Variants in PSEN1 observed in about 807,000 individuals in gnomAD.
The protein encoded by PSEN1 is presenilin-1.
A neutral mutation model predicts 53.5 loss-of-function variants in PSEN1; 15 were observed. That is an observed-to-expected ratio of 0.28 (90% CI 0.19 to 0.43). The LOEUF (loss-of-function observed/expected upper bound fraction) is 0.43, where lower values mean the gene tolerates loss of function less well. Ranked by LOEUF, PSEN1 falls within the 20% of genes least tolerant of loss-of-function variation. The pLI, the probability that PSEN1 is intolerant of heterozygous loss-of-function variation, is 1.00. For missense variants in PSEN1, 387 were observed against 571.2 expected, an observed-to-expected ratio of 0.68 and a Z score of 3.29; for synonymous variants, 208 against 209.8, an observed-to-expected ratio of 0.99 and a Z score of 0.08.
intron 10 of PSEN1, among the ~76,000 whole-genome samples, chr14:73,213,617 T>C (rs1361662829): frequency 2.6e-5 from 4 of 152,244 alleles, no homozygotes; most frequent in African/African-American, 9.6e-5. Flanking sequence ...ATAGGTCAGT[T>C]GCTAAAAGGC....
At chr14:73,212,562 G>A (rs1899748261) in intron 10 of PSEN1, among the ~76,000 whole-genome samples, 1 of 152,224 alleles carries the variant, frequency 6.6e-6, no homozygotes, top group African/African-American at 2.4e-5. Context: ...TCACTCTGCT[G>A]TAGAGAGATC....
chr14:73,221,333 T>C lies in PSEN1; in HGVS notation c.*2044T>C, dbSNP rs914441953. ...CACAGCTACAGCAAAGCCACCTGAA[T>C]AGCAATTTGTGATTGGAAGCATTCT... On this transcript the variant is annotated 3_prime_UTR_variant, in exon 12 of 12. Coordinates refer to ENST00000324501, the MANE Select transcript of PSEN1 (RefSeq NM_000021.4). The C allele has an allele frequency of 1.4e-4, 21 of 152,350 alleles. No homozygotes were observed. Among genetic ancestry groups the C allele is most frequent in the African/African-American group, 5.0e-4 (21 of 41,594 alleles). 9.4% of individuals were successfully genotyped at this position (152,350 alleles called of 1,614,324 possible). A position where few individuals can be genotyped will look rare whatever the true frequency, so the allele number is the denominator to read the frequency against.
At chr14:73,188,453 A>C (rs1219386739) in intron 6 of PSEN1, among the ~76,000 whole-genome samples, 1 of 152,156 alleles carries the variant, frequency 6.6e-6, no homozygotes, top group Non-Finnish European at 1.5e-5. Context: ...TGAAAGTTGG[A>C]TACCAACCTG....
intron 5 of PSEN1, among the ~76,000 whole-genome samples, chr14:73,177,039 C>G (rs903107087): frequency 6.6e-6 from 1 of 152,156 alleles, no homozygotes; most frequent in African/African-American, 2.4e-5. Context: ...TGCCATTTGA[C>G]TTATTTATTG....
chr14:73,201,210 C>A (rs1899172096), intron 8 of PSEN1, among the ~76,000 whole-genome samples: 5 of 152,034 alleles, frequency 3.3e-5, no homozygotes, highest in Admixed American at 2.6e-4. Flanking sequence ...GCCTCAGCCT[C>A]CCCAGCAGCT....
intron 10 of PSEN1, among the ~76,000 whole-genome samples, chr14:73,214,189 G>C (rs1899815911): frequency 6.6e-6 from 1 of 152,154 alleles, no homozygotes; most frequent in Non-Finnish European, 1.5e-5. Context: ...GGATGAGCTT[G>C]TTACTGGCAT....
intron 1 of PSEN1, among the ~76,000 whole-genome samples, chr14:73,138,975 GA>G (rs1409323348): frequency 3.6e-5 from 5 of 139,198 alleles, no homozygotes; most frequent in East Asian, 2.3e-4. Flanking sequence ...AAGAAAAAAA[GA>G]AAAAAAATGT....
At chr14:73,184,808 A>G (rs1301746196) in intron 5 of PSEN1, among the ~76,000 whole-genome samples, 3 of 145,838 alleles carry the variant, frequency 2.1e-5, no homozygotes, top group South Asian at 2.3e-4. Flanking sequence ...CACTTCCCAG[A>G]CGGGGCGGCT....
rs1897721759 is a variant in PSEN1 at position 73,166,486 on chromosome 14, A to G, written c.88-4311A>G. On this transcript the variant is annotated intron_variant, in intron 3 of 11. Transcript: ENST00000324501. ...GAGATAATGTGACAGTGCCTTGTAA[A>G]TACCAAATACTATATAGAGATAGCT... 1.3e-5 allele frequency among the ~76,000 whole-genome samples: 2 copies of G among 152,260 alleles called. 1 individual carries two copies. Among genetic ancestry groups the G allele is most frequent in the South Asian group, 4.1e-4 (2 of 4,834 alleles).
chr14:73,197,081 C>T (rs1017584165), intron 7 of PSEN1, among the ~76,000 whole-genome samples: 6 of 151,910 alleles, frequency 3.9e-5, no homozygotes, highest in Non-Finnish European at 7.4e-5. Context: ...TACAGGCACG[C>T]GCCACCACAC....
intron 5 of PSEN1, among the ~76,000 whole-genome samples, chr14:73,178,963 CG>C (rs1460351930): frequency 2.0e-5 from 3 of 152,042 alleles, no homozygotes; most frequent in African/African-American, 7.2e-5. Context: ...TTGTCAGGGT[CG>C]GTGTGTACTG....
At chr14:73,190,502 A>T (rs1223192005) in intron 6 of PSEN1, among the ~76,000 whole-genome samples, 1 of 152,036 alleles carries the variant, frequency 6.6e-6, no homozygotes, top group African/African-American at 2.4e-5. Context: ...AAAAAAAAAA[A>T]AAATTAAAAT....
chr14:73,150,429 G>A (rs1379075703), intron 3 of PSEN1, among the ~76,000 whole-genome samples: 4 of 152,044 alleles, frequency 2.6e-5, no homozygotes, highest in Non-Finnish European at 5.9e-5. Flanking sequence ...TAATATTTAT[G>A]TACATAAATC....
At chr14:73,181,782 A>AT (rs907620903) in intron 5 of PSEN1, among the ~76,000 whole-genome samples, 7 of 151,164 alleles carry the variant, frequency 4.6e-5, no homozygotes, top group Non-Finnish European at 7.4e-5. Context: ...TTTGTTTCGT[A>AT]TTTTTTTTTG....
intron 3 of PSEN1, among the ~76,000 whole-genome samples, chr14:73,153,852 A>G (rs935802718): frequency 1.3e-5 from 2 of 151,428 alleles, no homozygotes; most frequent in Non-Finnish European, 1.5e-5. Context: ...AGTTGGGATT[A>G]ACAGGGTTGT....
chr14:73,160,459 T>TTTTG (rs1388149337), intron 3 of PSEN1, among the ~76,000 whole-genome samples: 2 of 152,244 alleles, frequency 1.3e-5, no homozygotes, highest in Non-Finnish European at 2.9e-5. Flanking sequence ...TAGTTTAATT[T>TTTTG]TTTGAGGAAC....
At position 73,219,421 on chromosome 14, in the gene PSEN1, CCAAG is replaced by C. The variant is rs1341074860; in HGVS notation, c.*133_*136del. 6 of 1,036,176 alleles carry C rather than the reference CCAAG, an allele frequency of 5.8e-6. No individual in the cohort carries two copies. Among genetic ancestry groups the C allele is most frequent in the Admixed American group, 1.8e-5 (1 of 56,598 alleles). 64.2% of individuals were successfully genotyped at this position (1,036,176 alleles called of 1,614,324 possible). On this transcript the variant is annotated 3_prime_UTR_variant, in exon 12 of 12. Transcript: ENST00000324501. ...CCGGCTGGACTTTTGCAGCTTCCTT[CCAAG>C]TCTTCCTGACCACCTTGCACTATTG...
intron 3 of PSEN1, among the ~76,000 whole-genome samples, chr14:73,162,442 C>T (rs936977090): frequency 4.2e-5 from 6 of 141,488 alleles, no homozygotes; most frequent in African/African-American, 1.5e-4. Flanking sequence ...CTCGCTCGCT[C>T]GCGCGCTCTC....
At chr14:73,204,121 C>T (rs1292350569) in intron 8 of PSEN1, among the ~76,000 whole-genome samples, 2 of 152,158 alleles carry the variant, frequency 1.3e-5, no homozygotes, top group Non-Finnish European at 2.9e-5. Context: ...GCCTCAGCCT[C>T]CCGAGTCGCC....
Sources: allele counts gnomAD v4.1 joint callset (sites outside exome capture counted in the v4.1 genomes callset), GRCh38; gene constraint gnomAD v4.1.1; transcripts MANE v1.5; gene names NCBI Gene and HGNC (gene_info 2026-07-23, HGNC 2026-07-21).